Variants in CCDC171 observed in about 807,000 individuals in gnomAD.
The protein encoded by CCDC171 is coiled-coil domain-containing protein 171.
Under a neutral mutation model 168.2 loss-of-function variants are expected in CCDC171, and 177 were observed. That is an observed-to-expected ratio of 1.05 (90% CI 0.93 to 1.19). The LOEUF is 1.19. Ranked by LOEUF, CCDC171 falls within the 50% of genes most tolerant of loss-of-function variation. CCDC171 has a pLI of 0.00. For synonymous variants in CCDC171, 687 were observed against 540.8 expected (o/e 1.27, Z -3.75); for missense variants, 1,991 against 1,539.0 (o/e 1.29, Z -4.91).
intron 11 of CCDC171, among the ~76,000 whole-genome samples, chr9:15,703,971 T>G (rs1588056913): frequency 6.6e-6 from 1 of 152,302 alleles, no homozygotes; most frequent in East Asian, 1.9e-4. Context: ...TGAAAAACTT[T>G]GAAATACTGC....
At position 15,749,049 on chromosome 9, in the gene CCDC171, G is replaced by A. The variant is rs921607340; in HGVS notation, c.2671+3418G>A. 2.6e-5 allele frequency among the ~76,000 whole-genome samples: 4 copies of A among 151,882 alleles called. No individual in the cohort carries two copies. In the South Asian group the frequency reaches 6.2e-4, roughly 24 times the overall value. On this transcript the variant is annotated intron_variant, in intron 18 of 25. Coordinates refer to ENST00000380701, the MANE Select transcript of CCDC171 (RefSeq NM_173550.4). ...ATTGGATAAAGAGTCAAGACCCATTGGTGTGCTGTATTCAGGAGACCCATC... is the reference window on the plus strand; with the variant it reads ...ATTGGATAAAGAGTCAAGACCCATTAGTGTGCTGTATTCAGGAGACCCATC...
the CCDC171 span, among the ~76,000 whole-genome samples, chr9:16,073,366 T>C: frequency 1.3e-5 from 2 of 152,268 alleles, no homozygotes; most frequent in Non-Finnish European, 2.9e-5. Flanking sequence ...AAGGCTATTA[T>C]GTTTTTAAAT....
At chr9:15,728,116 A>T in intron 15 of CCDC171, 80 bp downstream of exon 15, 2 of 1,048,594 alleles carry the variant, frequency 1.9e-6, no homozygotes, top group Non-Finnish European at 2.7e-6. Context: ...AGAGGGGCTG[A>T]CATTCATCTT....
At chr9:15,858,721 A>G (rs1272254678) in intron 23 of CCDC171, among the ~76,000 whole-genome samples, 1 of 152,038 alleles carries the variant, frequency 6.6e-6, no homozygotes, top group East Asian at 1.9e-4. Flanking sequence ...TTAACATCTT[A>G]ATTCATAACA....
chr9:15,921,201 A>T (rs1320589869), intron 25 of CCDC171, among the ~76,000 whole-genome samples: 4 of 151,708 alleles, frequency 2.6e-5, no homozygotes, highest in Non-Finnish European at 5.9e-5. Context: ...ACCCGCTTCA[A>T]ATGCTACATT....
intron 25 of CCDC171, among the ~76,000 whole-genome samples, chr9:15,931,644 T>A (rs1826532423): frequency 6.6e-6 from 1 of 151,548 alleles, no homozygotes; most frequent in Non-Finnish European, 1.5e-5. Flanking sequence ...ATTTGTCCAT[T>A]TTTGTTTTTG....
At chr9:15,781,890 T>C (rs1290520832) in intron 20 of CCDC171, among the ~76,000 whole-genome samples, 1 of 152,152 alleles carries the variant, frequency 6.6e-6, no homozygotes, top group East Asian at 1.9e-4. Flanking sequence ...AATTTACAGA[T>C]GGGGCTTTTG....
At chr9:15,779,342 G>A (rs1223568731) in intron 20 of CCDC171, among the ~76,000 whole-genome samples, 192 bp downstream of exon 20, 1 of 152,040 alleles carries the variant, frequency 6.6e-6, no homozygotes, top group Non-Finnish European at 1.5e-5. Flanking sequence ...GCAGGCGGGG[G>A]AGTGGGGAGA....
At chr9:15,998,029 T>C (rs1173172725) in intron 3 of CCDC171, among the ~76,000 whole-genome samples, 1 of 152,176 alleles carries the variant, frequency 6.6e-6, no homozygotes, top group Non-Finnish European at 1.5e-5. Context: ...ATAGGATCCT[T>C]ATCATGTCTG....
chr9:15,658,494 AT>A (rs2048097559), intron 8 of CCDC171, among the ~76,000 whole-genome samples: 1 of 152,240 alleles, frequency 6.6e-6, no homozygotes, highest in Non-Finnish European at 1.5e-5. Context: ...ATCTGCCCTT[AT>A]CCTCAGAACC....
intron 21 of CCDC171, among the ~76,000 whole-genome samples, chr9:15,785,819 G>A (rs2057920896): frequency 6.6e-6 from 1 of 151,756 alleles, no homozygotes; most frequent in African/African-American, 2.4e-5. Context: ...CAGGCTCTGT[G>A]TTACTGTCTC....
chr9:15,780,976 A>G (rs1333693884), intron 20 of CCDC171, among the ~76,000 whole-genome samples: 1 of 152,192 alleles, frequency 6.6e-6, no homozygotes, highest in Non-Finnish European at 1.5e-5. Flanking sequence ...TGTATCATAG[A>G]AATAGTTGAA....
intron 18 of CCDC171, among the ~76,000 whole-genome samples, chr9:15,750,701 A>T (rs1027415671): frequency 1.3e-5 from 2 of 152,218 alleles, no homozygotes; most frequent in African/African-American, 4.8e-5. Flanking sequence ...CAATGGATGC[A>T]GAAAAGGCCT....
chr9:15,732,304 A>G (rs1345336349), intron 16 of CCDC171, among the ~76,000 whole-genome samples: 4 of 152,106 alleles, frequency 2.6e-5, no homozygotes, highest in Admixed American at 6.6e-5. Context: ...GAAGTTTCAT[A>G]GTTTTAGCTT....
At chr9:15,942,611 A>G (rs1039274453) in intron 25 of CCDC171, among the ~76,000 whole-genome samples, 1 of 151,954 alleles carries the variant, frequency 6.6e-6, no homozygotes. Flanking sequence ...CTAGTAGACA[A>G]TCTGTAGCGC....
chr9:15,850,735 C>A (rs1474878268), intron 23 of CCDC171, among the ~76,000 whole-genome samples: 1 of 151,870 alleles, frequency 6.6e-6, no homozygotes, highest in Admixed American at 6.6e-5. Flanking sequence ...AAGATGCAGG[C>A]CCACCTGTCT....
At chr9:15,649,004 A>G (rs1001842319) in intron 7 of CCDC171, among the ~76,000 whole-genome samples, 8 of 152,196 alleles carry the variant, frequency 5.3e-5, no homozygotes, top group African/African-American at 1.7e-4. Flanking sequence ...ACTATACTAC[A>G]AGGCTACAGT....
chr9:16,107,695 C>G, the CCDC171 span, among the ~76,000 whole-genome samples: 1 of 152,024 alleles, frequency 6.6e-6, no homozygotes, highest in Non-Finnish European at 1.5e-5. Context: ...TGTCTCTTAA[C>G]CCCTAAATAT....
intron 3 of CCDC171, among the ~76,000 whole-genome samples, chr9:16,004,658 C>T (rs769434621): frequency 5.3e-5 from 8 of 152,172 alleles, no homozygotes; most frequent in South Asian, 2.1e-4. Context: ...ACTGAGCCAC[C>T]GCCACATATT....
Sources: allele counts gnomAD v4.1 joint callset (sites outside exome capture counted in the v4.1 genomes callset), GRCh38; gene constraint gnomAD v4.1.1; transcripts MANE v1.5; gene names NCBI Gene and HGNC (gene_info 2026-07-23, HGNC 2026-07-21).